Variants in TAFA1 observed in about 807,000 individuals in gnomAD.
TAFA1 encodes chemokine-like protein TAFA-1.
In TAFA1, 4 loss-of-function variants were observed where a neutral mutation model predicts 18.5. The ratio of observed to expected loss-of-function variants is 0.22; its 90% CI spans 0.11 to 0.49. TAFA1 has a LOEUF of 0.49. Ranked by LOEUF, TAFA1 falls within the 20% of genes least tolerant of loss-of-function variation. The pLI, the probability that TAFA1 is intolerant of heterozygous loss-of-function variation, is 0.98. For missense variants in TAFA1, 147 were observed against 169.0 expected, an observed-to-expected ratio of 0.87 and a Z score of 0.72; for synonymous variants, 56 against 55.2, an observed-to-expected ratio of 1.01 and a Z score of -0.06.
At chr3:68,431,139 G>A (rs6782797) in intron 3 of TAFA1, among the ~76,000 whole-genome samples, 117,435 of 151,762 alleles carry the variant, frequency 0.77, 46,132 homozygotes, top group African/African-American at 0.92. Flanking sequence ...CGCCTGACCA[G>A]CCTTCCATGA....
At chr3:68,199,251 T>C (rs1398095020) in intron 2 of TAFA1, among the ~76,000 whole-genome samples, 3 of 151,628 alleles carry the variant, frequency 2.0e-5, no homozygotes, top group Non-Finnish European at 4.4e-5. Context: ...CACACTGTCT[T>C]GGTTACTATA....
intron 2 of TAFA1, among the ~76,000 whole-genome samples, chr3:68,322,702 G>A (rs1457117455): frequency 6.6e-6 from 1 of 152,138 alleles, no homozygotes; most frequent in Non-Finnish European, 1.5e-5. Context: ...CAGCATTTTG[G>A]GAGGCCGAGG....
intron 3 of TAFA1, among the ~76,000 whole-genome samples, chr3:68,509,508 A>G (rs560481185): frequency 6.6e-6 from 1 of 152,284 alleles, no homozygotes; most frequent in African/African-American, 2.4e-5. Flanking sequence ...AACAAAAAAC[A>G]TTCAAAATAC....
At chr3:68,091,509 T>A (rs2065029587) in intron 2 of TAFA1, among the ~76,000 whole-genome samples, 1 of 152,144 alleles carries the variant, frequency 6.6e-6, no homozygotes, top group Admixed American at 6.5e-5. Flanking sequence ...TTCTTGGCAC[T>A]GAAAAGTCAT....
chr3:68,215,149 A>G (rs1038429623), intron 2 of TAFA1, among the ~76,000 whole-genome samples: 1 of 152,104 alleles, frequency 6.6e-6, no homozygotes, highest in Non-Finnish European at 1.5e-5. Flanking sequence ...CATAATGTAT[A>G]TGCCTAAGAG....
At chr3:68,278,785 A>T (rs1290710251) in intron 2 of TAFA1, among the ~76,000 whole-genome samples, 1 of 152,132 alleles carries the variant, frequency 6.6e-6, no homozygotes, top group Non-Finnish European at 1.5e-5. Context: ...CCACCCCCAT[A>T]GATTCGCATT....
intron 2 of TAFA1, among the ~76,000 whole-genome samples, chr3:68,228,897 A>G (rs1311146710): frequency 6.6e-6 from 1 of 152,220 alleles, no homozygotes; most frequent in Non-Finnish European, 1.5e-5. Context: ...GGCTGAAGGA[A>G]GAAATTTGGG....
rs569421429 is a variant in TAFA1 at position 68,468,179 on chromosome 3, A to G, written c.259+50759A>G. Among the ~76,000 whole-genome samples, 18 of 152,354 alleles carry G rather than the reference A, an allele frequency of 1.2e-4. No homozygotes were observed. In the South Asian group the frequency reaches 3.3e-3, roughly 28 times the overall value. ...GGTTTTGAACTTTTTGACTATTTTAAGGATATGCATCTAACAAATTTAAGC... is the reference window on the plus strand; with the variant it reads ...GGTTTTGAACTTTTTGACTATTTTAGGGATATGCATCTAACAAATTTAAGC... On this transcript the variant is annotated intron_variant, in intron 3 of 4. Transcript: ENST00000478136.
At chr3:68,033,889 TA>T (rs1704990258) in intron 2 of TAFA1, among the ~76,000 whole-genome samples, 1 of 152,160 alleles carries the variant, frequency 6.6e-6, no homozygotes, top group East Asian at 1.9e-4. Flanking sequence ...ACCTTTCACT[TA>T]GGAGTTTGGT....
chr3:68,171,613 G>A lies in TAFA1; in HGVS notation c.118+164869G>A, dbSNP rs4616645. On this transcript the variant is annotated intron_variant, in intron 2 of 4. Transcript: ENST00000478136. ...CCAATCAATAGAAGCTATCTCTCAG[G>A]AAGATGTATGTTGGACTTACTATAC... Among the ~76,000 whole-genome samples the A allele has an allele frequency of 3.3e-5, 5 of 152,278 alleles. 1 individual carries two copies. The East Asian group carries it at 9.7e-4, about 29-fold the overall frequency.
At chr3:68,399,414 A>T (rs1396684514) in intron 2 of TAFA1, among the ~76,000 whole-genome samples, 2 of 152,166 alleles carry the variant, frequency 1.3e-5, no homozygotes, top group Non-Finnish European at 2.9e-5. Context: ...TCAACCATCC[A>T]GTTGACTAAG....
chr3:68,205,398 G>A (rs377034546), intron 2 of TAFA1, among the ~76,000 whole-genome samples: 5 of 151,754 alleles, frequency 3.3e-5, no homozygotes, highest in Non-Finnish European at 7.4e-5. Flanking sequence ...GACTACGAGG[G>A]GATATGAGGA....
rs77509850 is a variant in TAFA1 at position 68,084,922 on chromosome 3, T to G, written c.118+78178T>G. Among the ~76,000 whole-genome samples, 1,346 of 152,288 alleles carry G rather than the reference T, an allele frequency of 8.8e-3. 19 individuals carry two copies. The highest frequency in any genetic ancestry group is 0.03 in the African/African-American group (1,242 of 41,550). ...TCTTTGTACTTTTGTTGCAGCACTT[T>G]GAAATATCTGTCCTTATGTTAGAGT... On this transcript the variant is annotated intron_variant, in intron 2 of 4. Coordinates refer to ENST00000478136, the MANE Select transcript of TAFA1 (RefSeq NM_213609.4).
At chr3:68,403,117 G>A (rs1314161654) in intron 2 of TAFA1, among the ~76,000 whole-genome samples, 1 of 152,174 alleles carries the variant, frequency 6.6e-6, no homozygotes, top group Non-Finnish European at 1.5e-5. Flanking sequence ...ATAGCATGCT[G>A]TACTGGTTTG....
chr3:68,382,487 G>T (rs955533413), intron 2 of TAFA1, among the ~76,000 whole-genome samples: 1 of 151,912 alleles, frequency 6.6e-6, no homozygotes, highest in Non-Finnish European at 1.5e-5. Context: ...TCCTTTCCCT[G>T]TTGCTTGTTT....
At chr3:68,416,320 C>T (rs73103107) in intron 2 of TAFA1, among the ~76,000 whole-genome samples, 22,132 of 152,046 alleles carry the variant, frequency 0.15, 2,130 homozygotes, top group East Asian at 0.34. Context: ...TATTCTCATC[C>T]ATATAGTTTA....
chr3:68,097,878 C>T (rs562347416), intron 2 of TAFA1, among the ~76,000 whole-genome samples: 7 of 152,188 alleles, frequency 4.6e-5, no homozygotes, highest in Non-Finnish European at 8.8e-5. Context: ...AGAGAATTCC[C>T]ACAGCATGGC....
intron 2 of TAFA1, among the ~76,000 whole-genome samples, chr3:68,368,542 T>G (rs1307830531): frequency 3.3e-5 from 5 of 151,136 alleles, no homozygotes; most frequent in East Asian, 3.9e-4. Flanking sequence ...ACAGCAGGGA[T>G]GTCAGACTGT....
In TAFA1 at chr3:68,463,731, T is replaced by C. The variant is rs188106705; in HGVS notation, c.259+46311T>C. Among the ~76,000 whole-genome samples, 36 of 152,270 alleles carry C rather than the reference T, an allele frequency of 2.4e-4. 1 individual carries two copies. The highest frequency in any genetic ancestry group is 8.4e-4 in the African/African-American group (35 of 41,554). Reference sequence around the variant, plus strand: ...GGTGTCATGTTGGGTGAAGTCAAAATCTTATGACAGTTTTTTGTTTTTTTT... The same window carrying C: ...GGTGTCATGTTGGGTGAAGTCAAAACCTTATGACAGTTTTTTGTTTTTTTT... On this transcript the variant is annotated intron_variant, in intron 3 of 4. Transcript: ENST00000478136.
Sources: allele counts gnomAD v4.1 joint callset (sites outside exome capture counted in the v4.1 genomes callset), GRCh38; gene constraint gnomAD v4.1.1; transcripts MANE v1.5; gene names NCBI Gene and HGNC (gene_info 2026-07-23, HGNC 2026-07-21).